Variants in DPYSL5 observed in about 807,000 individuals in gnomAD.
The protein encoded by DPYSL5 is dihydropyrimidinase-related protein 5.
DPYSL5 carries 9 observed loss-of-function variants against 58.4 expected under a neutral mutation model. That is an observed-to-expected ratio of 0.15 (90% CI 0.09 to 0.27). DPYSL5 has a LOEUF of 0.27. DPYSL5 is among the 10% of genes least tolerant of loss of function. The pLI is 1.00. For synonymous variants in DPYSL5, 293 were observed against 301.9 expected (o/e 0.97, Z 0.31); for missense variants, 499 against 770.6 (o/e 0.65, Z 4.17).
intron 1 of DPYSL5, among the ~76,000 whole-genome samples, chr2:26,850,108 G>T (rs1236222290): frequency 1.3e-5 from 2 of 152,226 alleles, no homozygotes; most frequent in African/African-American, 4.8e-5. Context: ...GGGCTGGTGC[G>T]GATTGTGGTC....
intron 2 of DPYSL5, among the ~76,000 whole-genome samples, chr2:26,921,572 A>G (rs1226130856): frequency 2.0e-5 from 3 of 152,222 alleles, no homozygotes; most frequent in Non-Finnish European, 4.4e-5. Flanking sequence ...TCCTGTGAAA[A>G]CAGAGCTTGT....
At chr2:26,854,577 A>G (rs369734065) in intron 1 of DPYSL5, among the ~76,000 whole-genome samples, 1 of 152,238 alleles carries the variant, frequency 6.6e-6, no homozygotes, top group Non-Finnish European at 1.5e-5. Context: ...TTCACAGTTA[A>G]CTAAATAATT....
Position 26,948,992 on chromosome 2 carries a change from A to T in DPYSL5, c.*1997A>T, listed in dbSNP as rs1424324932. The T allele has an allele frequency of 2.0e-5, 3 of 152,168 alleles. No individual in the cohort carries two copies. Among genetic ancestry groups the T allele is most frequent in the African/African-American group, 7.2e-5 (3 of 41,416 alleles). The allele number at this position is 152,168 out of a possible 1,614,324, so 9.4% of individuals were successfully genotyped here. On this transcript the variant is annotated 3_prime_UTR_variant, in exon 13 of 13. Coordinates refer to ENST00000288699, the MANE Select transcript of DPYSL5 (RefSeq NM_020134.4). Reference sequence around the variant, plus strand: ...ACTTATTATTCTTCCCATTTTACAGATGAGGAAACTAAGACCCAGAAAGTT... The same window carrying T: ...ACTTATTATTCTTCCCATTTTACAGTTGAGGAAACTAAGACCCAGAAAGTT...
At chr2:26,861,826 T>C (rs1406892995) in intron 1 of DPYSL5, among the ~76,000 whole-genome samples, 1 of 152,242 alleles carries the variant, frequency 6.6e-6, no homozygotes, top group Non-Finnish European at 1.5e-5. Context: ...GACCTGCTTC[T>C]AACTAATAGG....
At chr2:26,863,692 C>T (rs552902486) in intron 1 of DPYSL5, among the ~76,000 whole-genome samples, 22 of 152,298 alleles carry the variant, frequency 1.4e-4, no homozygotes, top group Middle Eastern at 6.8e-3. Flanking sequence ...AAACTCCATA[C>T]GCATTAGCAG....
At chr2:26,943,319 G>A (rs972267622) in intron 11 of DPYSL5, among the ~76,000 whole-genome samples, 24 of 151,942 alleles carry the variant, frequency 1.6e-4, no homozygotes, top group African/African-American at 5.8e-4. Flanking sequence ...CAGGTCTGCC[G>A]TGGGAGCGCA....
intron 9 of DPYSL5, among the ~76,000 whole-genome samples, chr2:26,941,372 G>A (rs1269830991): frequency 6.6e-6 from 1 of 152,108 alleles, no homozygotes; most frequent in Non-Finnish European, 1.5e-5. Flanking sequence ...ATAAGAACTG[G>A]GACTTCATTT....
rs1474347605 is a variant in DPYSL5 at position 26,931,203 on chromosome 2, G to GTGTA, written c.670-436_670-435insGTAT. Among the ~76,000 whole-genome samples, 192 of 44,930 alleles carry GTGTA rather than the reference G, an allele frequency of 4.3e-3. 4 individuals carry two copies. Among genetic ancestry groups the GTGTA allele is most frequent in the African/African-American group, 0.015 (186 of 12,342 alleles). The allele number at this position is 44,930 out of a possible 152,430, so 29.5% of individuals were successfully genotyped here. A position where few individuals can be genotyped will look rare whatever the true frequency, so the allele number is the denominator to read the frequency against. On this transcript the variant is annotated intron_variant, in intron 5 of 12. Transcript: ENST00000288699. ...TGTGTGTGTGTGTGTGTGTGTGTGT[G>GTGTA]TATATATATATATATATATATATAT...
rs191850172 is a variant in DPYSL5, at chr2:26,887,151, A to G, written c.-4-11345A>G. On this transcript the variant is annotated intron_variant, in intron 1 of 12. Coordinates refer to ENST00000288699, the MANE Select transcript of DPYSL5 (RefSeq NM_020134.4). ...CAGTCTTGTGTGTTTTTGATATCAC[A>G]GTGACCAGTTATCTGTAAAATCATA... Among the ~76,000 whole-genome samples, 6 of 152,372 alleles carry G rather than the reference A, an allele frequency of 3.9e-5. No individual in the cohort carries two copies. In the East Asian group the frequency reaches 1.2e-3, roughly 29 times the overall value.
Position 26,944,676 on chromosome 2 carries a change from G to A in DPYSL5, c.1461G>A (p.Val487=). 3 of 1,614,014 alleles carry A rather than the reference G, an allele frequency of 1.9e-6. No homozygotes were observed. Among genetic ancestry groups the A allele is most frequent in the Non-Finnish European group, 1.7e-6 (2 of 1,179,946 alleles). The change falls in exon 12 of 13, where the codon GTG becomes GTA. Residue 487 remains valine, a synonymous_variant. Transcript: ENST00000288699. The surrounding 1 kb of genome is among the most constrained non-coding windows in gnomAD (Gnocchi z 4.4). ...QREKTLKVRG[V]DRTPYLGDVA... ...CCTAGACTTTAAAGGTTAGAGGAGT[G>A]GACCGCACTCCCTACCTGGGGGATG... is the stretch of plus-strand genomic sequence containing the variant.
At chr2:26,943,936 T>C (rs1435794509) in intron 11 of DPYSL5, among the ~76,000 whole-genome samples, 1 of 152,132 alleles carries the variant, frequency 6.6e-6, no homozygotes, top group Non-Finnish European at 1.5e-5. Flanking sequence ...CAGTAAAGGG[T>C]GTGGCTTCGT....
intron 1 of DPYSL5, among the ~76,000 whole-genome samples, chr2:26,857,623 T>C (rs887437508): frequency 5.9e-5 from 9 of 152,238 alleles, no homozygotes; most frequent in African/African-American, 1.9e-4. Flanking sequence ...AGACAGGATA[T>C]TGATTTCTAA....
chr2:26,888,081 A>G (rs555961454), intron 1 of DPYSL5, among the ~76,000 whole-genome samples: 1 of 152,286 alleles, frequency 6.6e-6, no homozygotes, highest in South Asian at 2.1e-4. Context: ...GTTCAAGGTC[A>G]CTGTTGACAA....
intron 1 of DPYSL5, among the ~76,000 whole-genome samples, chr2:26,872,257 C>T (rs1558325374): frequency 6.6e-6 from 1 of 152,330 alleles, no homozygotes; most frequent in East Asian, 1.9e-4. Context: ...AGTTAGACAC[C>T]TTCCTTACCA....
chr2:26,909,755 C>T (rs562386389), intron 2 of DPYSL5, among the ~76,000 whole-genome samples: 9 of 146,156 alleles, frequency 6.2e-5, no homozygotes, highest in African/African-American at 2.3e-4. Flanking sequence ...AGTGACAGAA[C>T]AAGACCCTGT....
At position 26,944,749 on chromosome 2, in the gene DPYSL5, G is replaced by C; in HGVS notation, c.1534G>C (p.Ala512Pro). The part of the protein sequence containing the change: ...PGKKEMGTPL[A>P]DTPTRPVTRH... ...GAAAAAAGAGATGGGAACCCCACTC[G>C]CAGACACTCCTACCCGGCCCGTCAC... Residue 512 changes from alanine to proline, a missense_variant, in exon 12 of 13, where the codon GCA becomes CCA. Ala to Pro is a conservative substitution (Grantham distance 27, BLOSUM62 -1). This residue lies in a region of DPYSL5 where 62 missense variants were observed against 59.2 expected (regional missense o/e 1.05). Coordinates refer to ENST00000288699, the MANE Select transcript of DPYSL5 (RefSeq NM_020134.4). This position sits in a 1 kb window ranked among gnomAD's most constrained non-coding sequence, Gnocchi z 4.4. The C allele has an allele frequency of 6.2e-7, 1 of 1,614,098 alleles. No homozygotes were observed. The highest frequency in any genetic ancestry group is 8.5e-7 in the Non-Finnish European group (1 of 1,179,998).
In DPYSL5 at chr2:26,858,077, C is replaced by T. The variant is rs189529978; in HGVS notation, c.-5+9823C>T. On this transcript the variant is annotated intron_variant, in intron 1 of 12. Transcript: ENST00000288699. ...TGCCTTATGTGATCCATTCACAGCC[C>T]AAATTGTTCCTGAGAAAGATTTTTT... 4.6e-5 allele frequency among the ~76,000 whole-genome samples: 7 copies of T among 152,224 alleles called. No individual in the cohort carries two copies. In the East Asian group the frequency reaches 1.3e-3, roughly 29 times the overall value.
At position 26,900,281 on chromosome 2, in the gene DPYSL5, C is replaced by A. The variant is rs543372955; in HGVS notation, c.261+1521C>A. Among the ~76,000 whole-genome samples, 18 of 152,250 alleles carry A rather than the reference C, an allele frequency of 1.2e-4. 1 individual carries two copies. The highest frequency in any genetic ancestry group is 1.2e-3 in the Admixed American group (18 of 15,294). The stretch of plus-strand genomic sequence containing the variant: ...CTTAATCGAGATATAATTTACATAT[C>A]ATACAATTCATGTATTTAAAGTGTG... On this transcript the variant is annotated intron_variant, in intron 2 of 12. Coordinates refer to ENST00000288699, the MANE Select transcript of DPYSL5 (RefSeq NM_020134.4).
chr2:26,896,563 G>T (rs1664026296), intron 1 of DPYSL5, among the ~76,000 whole-genome samples: 1 of 151,980 alleles, frequency 6.6e-6, no homozygotes, highest in Admixed American at 6.6e-5. Flanking sequence ...TCATCTTTTT[G>T]ATAATAGTCA....
Sources: gnomAD v4.1 joint callset for allele counts (sites outside exome capture counted in the v4.1 genomes callset) on GRCh38, gnomAD v4.1.1 for gene constraint, gnomAD v4.1.1 regional missense constraint, Gnocchi (gnomAD v3.1) non-coding constraint, MANE v1.5 for transcripts, NCBI Gene and HGNC (gene_info 2026-07-23, HGNC 2026-07-21) for gene names.